RAI14: variants seen among roughly 807,000 people sequenced by gnomAD.
RAI14 encodes retinoic acid induced 14.
In RAI14, 45 loss-of-function variants were observed where a neutral mutation model predicts 115.4. The observed-to-expected ratio is 0.39, with a 90% CI of 0.31 to 0.50. The LOEUF (loss-of-function observed/expected upper bound fraction) is 0.50, where lower values mean the gene tolerates loss of function less well. RAI14 is among the 20% of genes least tolerant of loss of function. The pLI is 0.85. For missense variants in RAI14, 939 were observed against 1,131.2 expected (o/e 0.83, Z 2.44); for synonymous variants, 371 against 415.4 (o/e 0.89, Z 1.30).
At chr5:34,693,504 G>A (rs1738880475) in intron 2 of RAI14, among the ~76,000 whole-genome samples, 1 of 152,196 alleles carries the variant, frequency 6.6e-6, no homozygotes, top group South Asian at 2.1e-4. Context: ...TGCTCACTAG[G>A]TGCCAGGCAC....
At chr5:34,659,441 T>C (rs540676711) in intron 1 of RAI14, among the ~76,000 whole-genome samples, 12 of 152,214 alleles carry the variant, frequency 7.9e-5, no homozygotes, top group African/African-American at 2.9e-4. Flanking sequence ...CTAATTTTTT[T>C]CATTTTTGTA....
At chr5:34,754,794 T>C in intron 2 of RAI14, among the ~76,000 whole-genome samples, 1 of 152,150 alleles carries the variant, frequency 6.6e-6, no homozygotes, top group East Asian at 1.9e-4. Flanking sequence ...CCATGTCTTA[T>C]AGAAACTGAA....
Position 34,791,300 on chromosome 5 carries a change from T to G in RAI14, c.168-4639T>G, listed in dbSNP as rs1752895527. Among the ~76,000 whole-genome samples the G allele has an allele frequency of 6.6e-6, 1 of 152,146 alleles. No homozygotes were observed. The highest frequency in any genetic ancestry group is 2.1e-4 in the South Asian group (1 of 4,818). ...CTGGCTCTTACTAAAGTCATTTGTTTTTCTTACCCGTGGAGAGGTGTATTC... is the reference window on the plus strand; with the variant it reads ...CTGGCTCTTACTAAAGTCATTTGTTGTTCTTACCCGTGGAGAGGTGTATTC... On this transcript the variant is annotated intron_variant, in intron 3 of 17. Coordinates refer to ENST00000265109, the MANE Select transcript of RAI14 (RefSeq NM_015577.3). This position sits in a 1 kb window ranked among gnomAD's most constrained non-coding sequence, Gnocchi z 5.4.
chr5:34,821,377 G>T (rs1360155781), intron 13 of RAI14, among the ~76,000 whole-genome samples: 1 of 152,060 alleles, frequency 6.6e-6, no homozygotes, highest in Non-Finnish European at 1.5e-5. Context: ...AGATTCCAGA[G>T]ACATTTCTAA....
intron 2 of RAI14, 144 bp downstream of exon 2, chr5:34,687,099 T>A: frequency 1.4e-6 from 1 of 706,746 alleles, no homozygotes; most frequent in South Asian, 2.2e-5. Context: ...GGGTAGCTTC[T>A]GTAGATGGCA....
At chr5:34,794,936 G>A (rs1414021820) in intron 3 of RAI14, among the ~76,000 whole-genome samples, 2 of 152,062 alleles carry the variant, frequency 1.3e-5, no homozygotes, top group African/African-American at 4.8e-5. Flanking sequence ...GACACCAAGG[G>A]ACTTCATGAG....
chr5:34,706,248 A>C (rs558974978), intron 2 of RAI14, among the ~76,000 whole-genome samples: 1 of 152,328 alleles, frequency 6.6e-6, no homozygotes, highest in South Asian at 2.1e-4. Context: ...TTTAAAAGGG[A>C]CTTAACCTTC....
intron 6 of RAI14, 22 bp downstream of exon 6, chr5:34,807,879 G>T: frequency 1.3e-6 from 2 of 1,588,982 alleles, no homozygotes; most frequent in Non-Finnish European, 1.7e-6. Flanking sequence ...TCTCCTATTT[G>T]TCTTCTTCTG....
chr5:34,734,435 T>A (rs1449714664), intron 2 of RAI14, among the ~76,000 whole-genome samples: 3 of 152,214 alleles, frequency 2.0e-5, no homozygotes, highest in African/African-American at 2.4e-5. Context: ...TGTGGTTCGC[T>A]ATCCTCAGCA....
intron 17 of RAI14, among the ~76,000 whole-genome samples, chr5:34,830,299 G>A (rs1757904321): frequency 6.6e-6 from 1 of 152,070 alleles, no homozygotes; most frequent in Non-Finnish European, 1.5e-5. Flanking sequence ...ATCATTTATT[G>A]AGGAATGAGG....
At chr5:34,676,940 C>T (rs12187027) in intron 1 of RAI14, among the ~76,000 whole-genome samples, 1 of 152,058 alleles carries the variant, frequency 6.6e-6, no homozygotes, top group Admixed American at 6.6e-5. Context: ...TCTTTCCCCC[C>T]CTAACTTTAT....
At chr5:34,721,068 A>G (rs1169068064) in intron 2 of RAI14, among the ~76,000 whole-genome samples, 3 of 151,414 alleles carry the variant, frequency 2.0e-5, no homozygotes, top group Non-Finnish European at 2.9e-5. Flanking sequence ...GCCTTCCCAC[A>G]TGGGTTCTCT....
At chr5:34,671,014 G>C (rs1376058864) in intron 1 of RAI14, among the ~76,000 whole-genome samples, 1 of 152,050 alleles carries the variant, frequency 6.6e-6, no homozygotes, top group East Asian at 1.9e-4. Context: ...TTTTGTTTTT[G>C]TTTTTTTGGT....
intron 1 of RAI14, among the ~76,000 whole-genome samples, chr5:34,686,195 A>G (rs531059481): frequency 6.6e-6 from 1 of 152,334 alleles, no homozygotes; most frequent in South Asian, 2.1e-4. Context: ...ATAGAGATAC[A>G]GCATTTTGTA....
At chr5:34,778,353 A>G (rs931727899) in intron 3 of RAI14, among the ~76,000 whole-genome samples, 1 of 152,182 alleles carries the variant, frequency 6.6e-6, no homozygotes, top group African/African-American at 2.4e-5. Context: ...TCTTTAAGTT[A>G]GCCAAGACTT....
intron 1 of RAI14, among the ~76,000 whole-genome samples, chr5:34,686,206 C>T (rs1744851603): frequency 6.6e-6 from 1 of 152,128 alleles, no homozygotes; most frequent in South Asian, 2.1e-4. Flanking sequence ...GCATTTTGTA[C>T]AGTGACAGTT....
intron 2 of RAI14, among the ~76,000 whole-genome samples, chr5:34,741,720 T>A (rs909771651): frequency 1.3e-5 from 2 of 152,076 alleles, no homozygotes; most frequent in Non-Finnish European, 2.9e-5. Flanking sequence ...GTGTGGGATC[T>A]CTTGTTGACC....
rs183663129 is a variant in RAI14, at chr5:34,756,116, T to C, written c.37-1352T>C. 4.3e-3 allele frequency among the ~76,000 whole-genome samples: 655 copies of C among 152,268 alleles called. 9 individuals carry two copies. The highest frequency in any genetic ancestry group is 0.014 in the African/African-American group (602 of 41,528). On this transcript the variant is annotated intron_variant, in intron 2 of 17. Transcript: ENST00000265109. Reference sequence around the variant, plus strand: ...AGATGCAAATTCTGAACACATCTCTTTTATCCCTCCCTGGCTTAAGGCCCT... The same window carrying C: ...AGATGCAAATTCTGAACACATCTCTCTTATCCCTCCCTGGCTTAAGGCCCT...
intron 3 of RAI14, among the ~76,000 whole-genome samples, chr5:34,782,656 T>C (rs560005863): frequency 1.3e-5 from 2 of 152,364 alleles, no homozygotes; most frequent in Admixed American, 6.5e-5. Context: ...CAAATCCTTA[T>C]GTTTAGCTCC....
Sources: gnomAD v4.1 joint callset for allele counts (sites outside exome capture counted in the v4.1 genomes callset) on GRCh38, gnomAD v4.1.1 for gene constraint, Gnocchi (gnomAD v3.1) non-coding constraint, MANE v1.5 for transcripts, NCBI Gene and HGNC (gene_info 2026-07-23, HGNC 2026-07-21) for gene names.